The following EIF2S2 variants were observed in gnomAD, a reference collection of about 807,000 sequenced individuals.
The protein encoded by EIF2S2 is eukaryotic translation initiation factor 2 subunit 2.
EIF2S2 carries 4 observed loss-of-function variants against 44.0 expected under a neutral mutation model. That is an observed-to-expected ratio of 0.09 (90% CI 0.04 to 0.21). EIF2S2 has a LOEUF of 0.21. Ranked by LOEUF, EIF2S2 falls within the 10% of genes least tolerant of loss-of-function variation. The pLI is 1.00. For synonymous variants in EIF2S2, 108 were observed against 128.3 expected, an observed-to-expected ratio of 0.84 and a Z score of 1.07; for missense variants, 154 against 392.0, an observed-to-expected ratio of 0.39 and a Z score of 5.13.
chr20:34,109,859 C>T (rs1379447018), intron 1 of EIF2S2, among the ~76,000 whole-genome samples: 2 of 148,358 alleles, frequency 1.3e-5, no homozygotes, highest in Non-Finnish European at 3.0e-5. Flanking sequence ...AATCCCAGCA[C>T]TTCAGGAGGC....
chr20:34,093,472 C>G (rs1384917722), intron 7 of EIF2S2, among the ~76,000 whole-genome samples: 1 of 152,208 alleles, frequency 6.6e-6, no homozygotes, highest in East Asian at 1.9e-4. Context: ...CACCAGCAGG[C>G]CTGTTCAGAT....
chr20:34,108,591 G>A (rs2034374632), intron 1 of EIF2S2, among the ~76,000 whole-genome samples: 1 of 152,154 alleles, frequency 6.6e-6, no homozygotes, highest in South Asian at 2.1e-4. Flanking sequence ...AATAGCTGTT[G>A]ACAGTGCACA....
rs748688753 is a variant in EIF2S2 at position 34,097,518 on chromosome 20, T to A, written c.434-2A>T. 4 of 1,611,762 alleles carry A rather than the reference T, an allele frequency of 2.5e-6. No homozygotes were observed. The highest frequency in any genetic ancestry group is 2.5e-6 in the Non-Finnish European group (3 of 1,179,676). ...TTTTGTTGTCTTCATCTTCTAGAGC[T>A]ACAGATAAAAAAGATTTTAAGAATG... is the stretch of plus-strand genomic sequence containing the variant. On this transcript the variant is annotated splice_acceptor_variant, in intron 4 of 8. Transcript: ENST00000374980. LOFTEE classifies it high-confidence loss of function.
chr20:34,092,486 C>T (rs933269256), intron 7 of EIF2S2, among the ~76,000 whole-genome samples: 14 of 152,258 alleles, frequency 9.2e-5, no homozygotes, highest in African/African-American at 2.4e-4. Context: ...CTGGCTAACA[C>T]GGTGAAACCT....
intron 1 of EIF2S2, among the ~76,000 whole-genome samples, chr20:34,110,309 CTT>C (rs1224577526): frequency 6.6e-6 from 1 of 152,106 alleles, no homozygotes; most frequent in Non-Finnish European, 1.5e-5. Context: ...CCTAAAAATA[CTT>C]ACCTAGTCAA....
At chr20:34,093,390 A>G (rs1290931164) in intron 7 of EIF2S2, among the ~76,000 whole-genome samples, 1 of 152,248 alleles carries the variant, frequency 6.6e-6, no homozygotes, top group East Asian at 1.9e-4. Flanking sequence ...TTTGCTCCAT[A>G]AAAAGACTCA....
intron 1 of EIF2S2, 72 bp downstream of exon 1, chr20:34,112,024 G>T: frequency 7.5e-7 from 1 of 1,332,304 alleles, no homozygotes; most frequent in Non-Finnish European, 9.8e-7. Flanking sequence ...CCGCAGGCCC[G>T]TTCTCCCACA....
chr20:34,096,566 T>A, intron 6 of EIF2S2, 91 bp downstream of exon 6: 1 of 1,324,826 alleles, frequency 7.5e-7, no homozygotes, highest in Non-Finnish European at 1.0e-6. Flanking sequence ...TTTCCATCTA[T>A]AATAAAGTCG....
At chr20:34,101,171 G>A (rs917063617) in intron 3 of EIF2S2, among the ~76,000 whole-genome samples, 2 of 152,180 alleles carry the variant, frequency 1.3e-5, no homozygotes, top group South Asian at 2.1e-4. Flanking sequence ...CCAGCCAGGC[G>A]CAGTGGCTCA....
In EIF2S2 at chr20:34,112,131, C is replaced by A. The variant is rs1389872089; in HGVS notation, c.-21G>T. 3.2e-6 allele frequency: 5 copies of A among 1,543,372 alleles called. 1 individual carries two copies. The South Asian group carries it at 4.8e-5, about 15-fold the overall frequency. ...GACATGGCTGCGGCTCGAGTGGGCT[C>A]GGCACGGACGGGAAGTCAGACGGGT... On this transcript the variant is annotated 5_prime_UTR_variant, in exon 1 of 9. Coordinates refer to ENST00000374980, the MANE Select transcript of EIF2S2 (RefSeq NM_003908.5).
intron 3 of EIF2S2, among the ~76,000 whole-genome samples, chr20:34,099,760 T>G (rs1035375517): frequency 2.0e-5 from 3 of 152,154 alleles, no homozygotes; most frequent in Admixed American, 6.6e-5. Context: ...AAACGACTCA[T>G]AGAACTCAGG....
chr20:34,098,428 C>T, intron 4 of EIF2S2, 70 bp downstream of exon 4: 2 of 1,567,292 alleles, frequency 1.3e-6, no homozygotes, highest in East Asian at 2.2e-5. Flanking sequence ...GCACCCTCCA[C>T]CCCCATCAAG....
At chr20:34,111,861 G>C (rs1306216866) in intron 1 of EIF2S2, among the ~76,000 whole-genome samples, 1 of 152,240 alleles carries the variant, frequency 6.6e-6, no homozygotes, top group Non-Finnish European at 1.5e-5. Flanking sequence ...CTCCATTCCG[G>C]AAACGCCAAC....
chr20:34,098,089 A>G (rs1363949109), intron 4 of EIF2S2, among the ~76,000 whole-genome samples: 1 of 152,108 alleles, frequency 6.6e-6, no homozygotes, highest in Non-Finnish European at 1.5e-5. Flanking sequence ...TCTACTAAAA[A>G]TACAAAATTA....
chr20:34,093,230 G>GT (rs1218505956), intron 7 of EIF2S2, among the ~76,000 whole-genome samples: 6 of 152,124 alleles, frequency 3.9e-5, no homozygotes, highest in African/African-American at 1.2e-4. Flanking sequence ...CTGAAGACAG[G>GT]TAAGTACCTA....
At chr20:34,108,184 A>G (rs1385135871) in intron 1 of EIF2S2, 1 of 152,198 alleles carries the variant, frequency 6.6e-6, no homozygotes, top group Non-Finnish European at 1.5e-5. Context: ...GATGGCAAGG[A>G]TCCTGATATC....
Position 34,088,397 on chromosome 20 carries a change from T to TG in EIF2S2, c.*1332dup, listed in dbSNP as rs147078575. On this transcript the variant is annotated 3_prime_UTR_variant, in exon 9 of 9. Transcript: ENST00000374980. ...GGGTGTAGATACAAAAAAAGGAAAATGGGGGCATAAACAGCAGTTGGGTTC... is the reference window on the plus strand; with the variant it reads ...GGGTGTAGATACAAAAAAAGGAAAATGGGGGGCATAAACAGCAGTTGGGTTC... 0.05 allele frequency: 7,500 copies of TG among 151,184 alleles called. 577 individuals carry two copies. Among genetic ancestry groups the TG allele is most frequent in the African/African-American group, 0.17 (7,016 of 41,052 alleles). 9.4% of individuals were successfully genotyped at this position (151,184 alleles called of 1,614,324 possible).
intron 3 of EIF2S2, among the ~76,000 whole-genome samples, chr20:34,100,425 G>A (rs2034282186): frequency 6.6e-6 from 1 of 152,138 alleles, no homozygotes; most frequent in Non-Finnish European, 1.5e-5. Flanking sequence ...TCATAGCTTT[G>A]TCCTTCTGGT....
chr20:34,097,931 G>A (rs1165508649), intron 4 of EIF2S2, among the ~76,000 whole-genome samples: 2 of 152,058 alleles, frequency 1.3e-5, no homozygotes, highest in African/African-American at 2.4e-5. Context: ...CTGTAAACAC[G>A]AGTTTAAAAA....
Sources: allele counts gnomAD v4.1 joint callset (sites outside exome capture counted in the v4.1 genomes callset), GRCh38; gene constraint gnomAD v4.1.1; transcripts MANE v1.5; gene names NCBI Gene and HGNC (gene_info 2026-07-23, HGNC 2026-07-21).